EPC2: variants seen among roughly 807,000 people sequenced by gnomAD.
EPC2 encodes the protein enhancer of polycomb 2.
In EPC2, 14 loss-of-function variants were observed where a neutral mutation model predicts 92.1. The observed-to-expected ratio is 0.15, with a 90% confidence interval of 0.10 to 0.24. The LOEUF is 0.24. Among genes scored for constraint, EPC2 ranks in the 10% least tolerant of loss-of-function variants. The pLI is 1.00. For synonymous variants in EPC2, 340 were observed against 334.7 expected (o/e 1.02, Z -0.17); for missense variants, 755 against 971.5 (o/e 0.78, Z 2.96).
At chr2:148,746,544 T>C (rs1424775950) in intron 3 of EPC2, among the ~76,000 whole-genome samples, 1 of 152,136 alleles carries the variant, frequency 6.6e-6, no homozygotes, top group Non-Finnish European at 1.5e-5. Context: ...CTTTCCAGTG[T>C]GACAGACAAC....
chr2:148,689,045 T>G (rs1483731038), intron 1 of EPC2, among the ~76,000 whole-genome samples: 1 of 152,156 alleles, frequency 6.6e-6, no homozygotes, highest in Non-Finnish European at 1.5e-5. Context: ...AAGATAAGAC[T>G]GGAAGCAATT....
At position 148,771,319 on chromosome 2, in the gene EPC2, C is replaced by G. The variant is rs763837264; in HGVS notation, c.1652C>G (p.Thr551Ser). 6.2e-7 allele frequency: 1 copy of G among 1,613,128 alleles called. No individual in the cohort carries two copies. The highest frequency in any genetic ancestry group is 2.2e-5 in the East Asian group (1 of 44,866). The change falls in exon 10 of 14, where the codon ACT becomes AGT. Residue 551 changes from threonine (T) to serine (S), a missense_variant. Thr to Ser is a moderately conservative substitution (Grantham distance 58, BLOSUM62 1). Coordinates refer to ENST00000258484, the MANE Select transcript of EPC2 (RefSeq NM_015630.4). ...EECTSRKPGQ[T>S]VNNKRVSAAS... is the part of the protein sequence containing the mutation. The stretch of plus-strand genomic sequence containing the variant: ...TGTACCTCAAGAAAACCAGGGCAGA[C>G]TGTGAACAATAAAAGAGTTTCTGCA...
chr2:148,774,246 T>C (rs148086421), intron 10 of EPC2, among the ~76,000 whole-genome samples: 249 of 152,306 alleles, frequency 1.6e-3, no homozygotes, highest in African/African-American at 5.6e-3. Flanking sequence ...TTATGTGGAA[T>C]TGAGGGCTAG....
intron 1 of EPC2, among the ~76,000 whole-genome samples, chr2:148,668,517 T>A (rs1367479098): frequency 6.6e-6 from 1 of 152,188 alleles, no homozygotes; most frequent in Non-Finnish European, 1.5e-5. Context: ...AGAGTTGGTA[T>A]TGTTTTTCTC....
intron 1 of EPC2, among the ~76,000 whole-genome samples, chr2:148,668,814 T>C (rs1681101839): frequency 6.6e-6 from 1 of 152,174 alleles, no homozygotes; most frequent in African/African-American, 2.4e-5. Context: ...TTATCAATTT[T>C]ATGAATTTTC....
intron 1 of EPC2, among the ~76,000 whole-genome samples, chr2:148,646,866 C>T (rs1683813007): frequency 6.6e-6 from 1 of 152,036 alleles, no homozygotes; most frequent in African/African-American, 2.4e-5. Context: ...AATCCCAGCA[C>T]TTTGGAAGGC....
intron 1 of EPC2, among the ~76,000 whole-genome samples, chr2:148,677,094 C>T (rs1330982723): frequency 6.6e-6 from 1 of 152,180 alleles, no homozygotes; most frequent in East Asian, 1.9e-4. Context: ...TACCTACTTC[C>T]AGGATTCTAC....
At chr2:148,665,613 T>G (rs1681041056) in intron 1 of EPC2, among the ~76,000 whole-genome samples, 1 of 152,220 alleles carries the variant, frequency 6.6e-6, no homozygotes, top group Non-Finnish European at 1.5e-5. Context: ...AAAAGTTGAT[T>G]TATAATTCAA....
At chr2:148,668,390 C>G (rs1681094599) in intron 1 of EPC2, among the ~76,000 whole-genome samples, 1 of 152,038 alleles carries the variant, frequency 6.6e-6, no homozygotes, top group Admixed American at 6.5e-5. Flanking sequence ...ACGTATTTGT[C>G]TGTAGTTTTC....
chr2:148,674,259 C>T (rs549541713), intron 1 of EPC2, among the ~76,000 whole-genome samples: 1 of 152,196 alleles, frequency 6.6e-6, no homozygotes, highest in Non-Finnish European at 1.5e-5. Context: ...CCTCTTGTCT[C>T]TGTGTGTGGT....
rs140809305 is a variant in EPC2, at chr2:148,756,822, A to G, written c.666+2689A>G. 7.2e-3 allele frequency among the ~76,000 whole-genome samples: 1,093 copies of G among 152,310 alleles called. 7 individuals are homozygous for G. The highest frequency in any genetic ancestry group is 0.012 in the Non-Finnish European group (798 of 68,016). On this transcript the variant is annotated intron_variant, in intron 4 of 13. Coordinates refer to ENST00000258484, the MANE Select transcript of EPC2 (RefSeq NM_015630.4). ...GTTGTCAGTTCTAGCTGCTCTACAT[A>G]ACAGTCACCTGTGAATCATCCTTGG...
chr2:148,725,478 G>T (rs972958526), intron 2 of EPC2, among the ~76,000 whole-genome samples: 1 of 151,920 alleles, frequency 6.6e-6, no homozygotes, highest in African/African-American at 2.4e-5. Flanking sequence ...TCAATGTATG[G>T]TTTTTTAAAA....
At chr2:148,694,067 G>C (rs1040881926) in intron 2 of EPC2, among the ~76,000 whole-genome samples, 1 of 152,144 alleles carries the variant, frequency 6.6e-6, no homozygotes, top group Non-Finnish European at 1.5e-5. Context: ...ATAAATAAAT[G>C]AGTGAAAGAA....
intron 8 of EPC2, among the ~76,000 whole-genome samples, chr2:148,770,172 T>C (rs993822855): frequency 1.9e-4 from 29 of 152,176 alleles, no homozygotes; most frequent in African/African-American, 6.8e-4. Context: ...CTCAGCCTCC[T>C]GGGATTACAG....
At chr2:148,650,302 A>G (rs559869044) in intron 1 of EPC2, among the ~76,000 whole-genome samples, 3 of 152,218 alleles carry the variant, frequency 2.0e-5, no homozygotes, top group South Asian at 2.1e-4. Flanking sequence ...TATAAAATTT[A>G]TTAGCAGCAT....
intron 10 of EPC2, among the ~76,000 whole-genome samples, chr2:148,776,368 T>G (rs145483806): frequency 1.0e-3 from 156 of 152,324 alleles, no homozygotes; most frequent in African/African-American, 3.5e-3. Context: ...TTCAGAAGTT[T>G]AAATGGATTT....
At chr2:148,721,712 C>CTTTTTTTTTTTTTT (rs34017461) in intron 2 of EPC2, among the ~76,000 whole-genome samples, 5 of 111,516 alleles carry the variant, frequency 4.5e-5, no homozygotes, top group East Asian at 2.5e-4. Flanking sequence ...CTGTTTTATT[C>CTTTTTTTTTTTTTT]TTTTTTTTTT....
intron 2 of EPC2, among the ~76,000 whole-genome samples, chr2:148,693,499 G>A (rs1019532249): frequency 3.9e-5 from 6 of 152,312 alleles, no homozygotes; most frequent in African/African-American, 1.2e-4. Flanking sequence ...CTTTGTGCCT[G>A]TCTAGCCATG....
At chr2:148,705,489 C>T (rs191162789) in intron 2 of EPC2, among the ~76,000 whole-genome samples, 77 of 152,232 alleles carry the variant, frequency 5.1e-4, no homozygotes, top group Middle Eastern at 3.4e-3. Context: ...TCTCCCAGCA[C>T]GGTGTTTGAG....
Sources: gnomAD v4.1 joint callset for allele counts (sites outside exome capture counted in the v4.1 genomes callset) on GRCh38, gnomAD v4.1.1 for gene constraint, MANE v1.5 for transcripts, NCBI Gene and HGNC (gene_info 2026-07-23, HGNC 2026-07-21) for gene names.